XKR6: variants seen among roughly 807,000 people sequenced by gnomAD.
XKR6 encodes the protein XK related 6.
XKR6 carries 22 observed loss-of-function variants against 56.7 expected under a neutral mutation model. The observed-to-expected ratio is 0.39, with a 90% CI of 0.28 to 0.55. XKR6 has a LOEUF of 0.55. Among genes scored for constraint, XKR6 ranks in the 20% least tolerant of loss-of-function variants. The pLI is 0.66. For missense variants in XKR6, 852 were observed against 889.0 expected (o/e 0.96, Z 0.53); for synonymous variants, 524 against 387.8 (o/e 1.35, Z -4.13).
At chr8:11,184,584 T>G (rs1402501397) in intron 1 of XKR6, among the ~76,000 whole-genome samples, 1 of 152,216 alleles carries the variant, frequency 6.6e-6, no homozygotes, top group Non-Finnish European at 1.5e-5. Context: ...ATTTTATGGT[T>G]TTCTATAAGA....
intron 1 of XKR6, among the ~76,000 whole-genome samples, chr8:11,133,742 C>G (rs1214449069): frequency 1.3e-5 from 2 of 152,038 alleles, no homozygotes; most frequent in African/African-American, 2.4e-5. Context: ...TAGCCTGATT[C>G]CTTTTAAGAC....
chr8:11,174,952 C>T (rs1196941129), intron 1 of XKR6: 1 of 152,194 alleles, frequency 6.6e-6, no homozygotes, highest in East Asian at 1.9e-4. Flanking sequence ...CTTTCTAGGA[C>T]AGGTACATGA....
chr8:10,989,197 G>C (rs117864076), intron 1 of XKR6, among the ~76,000 whole-genome samples: 1,751 of 152,332 alleles, frequency 0.011, 12 homozygotes, highest in Admixed American at 0.017. Flanking sequence ...TCTAGTCAGA[G>C]CCCAGTGGTT....
intron 1 of XKR6, among the ~76,000 whole-genome samples, chr8:11,127,237 A>C (rs1049506084): frequency 2.0e-5 from 3 of 152,136 alleles, no homozygotes; most frequent in South Asian, 4.1e-4. Context: ...TCTGTTCTAC[A>C]AGCTCTGGAG....
chr8:11,021,318 A>G (rs572048194), intron 1 of XKR6, among the ~76,000 whole-genome samples: 1 of 152,286 alleles, frequency 6.6e-6, no homozygotes, highest in Admixed American at 6.5e-5. Context: ...CTTGGAGTAG[A>G]ACAAGGGGTA....
At chr8:10,977,700 G>A (rs530620048) in intron 1 of XKR6, among the ~76,000 whole-genome samples, 1 of 150,618 alleles carries the variant, frequency 6.6e-6, no homozygotes, top group South Asian at 2.2e-4. Flanking sequence ...TTCGGGGATA[G>A]AGACAGTGCA....
intron 1 of XKR6, among the ~76,000 whole-genome samples, chr8:10,987,481 T>G (rs928185309): frequency 6.6e-6 from 1 of 152,206 alleles, no homozygotes; most frequent in Non-Finnish European, 1.5e-5. Context: ...CACAAATATA[T>G]GTTTAGATTC....
intron 1 of XKR6, among the ~76,000 whole-genome samples, chr8:11,064,823 A>G (rs906093279): frequency 2.0e-5 from 3 of 152,228 alleles, no homozygotes; most frequent in African/African-American, 7.2e-5. Flanking sequence ...GGTTAAGGAT[A>G]CTTATTGTCA....
chr8:11,111,341 T>A (rs1798880922), intron 1 of XKR6, among the ~76,000 whole-genome samples: 2 of 152,184 alleles, frequency 1.3e-5, no homozygotes, highest in African/African-American at 2.4e-5. Flanking sequence ...TCATTGGCAC[T>A]TCTGCCCTAC....
At chr8:10,952,987 C>G (rs1801772655) in intron 1 of XKR6, among the ~76,000 whole-genome samples, 1 of 152,110 alleles carries the variant, frequency 6.6e-6, no homozygotes, top group Non-Finnish European at 1.5e-5. Context: ...GCTGCGCGCT[C>G]CTTATGAGAA....
chr8:11,100,385 T>A (rs896833247), intron 1 of XKR6, among the ~76,000 whole-genome samples: 6 of 152,218 alleles, frequency 3.9e-5, no homozygotes, highest in Admixed American at 2.0e-4. Context: ...AATTTATGAC[T>A]TCCACCTAAT....
chr8:11,175,256 G>C (rs866341240), intron 1 of XKR6: 1 of 152,620 alleles, frequency 6.6e-6, no homozygotes, highest in African/African-American at 2.4e-5. Flanking sequence ...GGTGTGCCCA[G>C]GCCAAACAGT....
intron 2 of XKR6, among the ~76,000 whole-genome samples, chr8:10,920,530 G>A (rs951818128): frequency 3.3e-5 from 5 of 152,170 alleles, no homozygotes; most frequent in African/African-American, 1.2e-4. Context: ...CCACCAACAG[G>A]TCTGTTCCAA....
At chr8:11,183,219 C>T (rs1803092022) in intron 1 of XKR6, among the ~76,000 whole-genome samples, 1 of 152,166 alleles carries the variant, frequency 6.6e-6, no homozygotes, top group South Asian at 2.1e-4. Flanking sequence ...TTTGGATATA[C>T]AGCCCGAATT....
intron 1 of XKR6, among the ~76,000 whole-genome samples, chr8:11,043,248 C>A (rs755812530): frequency 6.6e-6 from 1 of 151,976 alleles, no homozygotes; most frequent in Non-Finnish European, 1.5e-5. Flanking sequence ...ACACTCTTAG[C>A]GTGAGCACTC....
chr8:10,903,760 T>A (rs1800107103), intron 2 of XKR6, among the ~76,000 whole-genome samples: 1 of 152,016 alleles, frequency 6.6e-6, no homozygotes. Context: ...AGGAGAGACT[T>A]CTCAGACCAG....
chr8:11,026,644 G>T (rs1443849154), intron 1 of XKR6, among the ~76,000 whole-genome samples: 19 of 150,052 alleles, frequency 1.3e-4, no homozygotes, highest in African/African-American at 1.7e-4. Flanking sequence ...ACACCTAGAT[G>T]GTCTAGCCTA....
At chr8:11,178,604 AATATAT>A (rs1293997839) in intron 1 of XKR6, among the ~76,000 whole-genome samples, 2 of 120,890 alleles carry the variant, frequency 1.7e-5, no homozygotes, top group Non-Finnish European at 1.7e-5. Flanking sequence ...CACACACACA[AATATAT>A]ATATATATAC....
In XKR6 at chr8:10,905,057, G is replaced by C. The variant is rs561318687; in HGVS notation, c.962-6141C>G. 4.6e-5 allele frequency among the ~76,000 whole-genome samples: 7 copies of C among 152,318 alleles called. No homozygotes were observed. In the South Asian group the frequency reaches 1.5e-3, roughly 32 times the overall value. ...CAGCTTCCTGACTCTTTCCTCCCCA[G>C]CTCCTTCTTCCTGGCTTGTTCCCAT... On this transcript the variant is annotated intron_variant, in intron 2 of 2. Coordinates refer to ENST00000416569, the MANE Select transcript of XKR6 (RefSeq NM_173683.4).
Sources: gnomAD v4.1 joint callset for allele counts (sites outside exome capture counted in the v4.1 genomes callset) on GRCh38, gnomAD v4.1.1 for gene constraint, MANE v1.5 for transcripts, NCBI Gene and HGNC (gene_info 2026-07-23, HGNC 2026-07-21) for gene names.